Variants in CLMP observed in about 807,000 individuals in gnomAD.
The protein encoded by CLMP is CXADR like cell adhesion molecule.
In CLMP, 27 loss-of-function variants were observed where a neutral mutation model predicts 45.2. The observed-to-expected ratio is 0.60, with a 90% confidence interval of 0.44 to 0.82. CLMP has a LOEUF of 0.82. Ranked by LOEUF, CLMP falls within the 40% of genes least tolerant of loss-of-function variation. The pLI, the probability that CLMP is intolerant of heterozygous loss-of-function variation, is 0.00. For synonymous variants in CLMP, 167 were observed against 171.4 expected, an observed-to-expected ratio of 0.97 and a Z score of 0.20; for missense variants, 403 against 448.4, an observed-to-expected ratio of 0.90 and a Z score of 0.91.
intron 1 of CLMP, among the ~76,000 whole-genome samples, chr11:123,152,157 G>C (rs1861344536): frequency 6.6e-6 from 1 of 152,098 alleles, no homozygotes; most frequent in Admixed American, 6.6e-5. Context: ...TGAGATCGTT[G>C]ATGAAAAATC....
In CLMP at chr11:123,106,408, TGTGTGTGTGTGTGTGTGC is replaced by T. The variant is rs1374703432; in HGVS notation, c.29-8474_29-8457del. ...GTGTGTGTGTGTGTGTGTGTGTGTG[TGTGTGTGTGTGTGTGTGC>T]GCGCGCGCGCGCGCACGTGCCTGCC... On this transcript the variant is annotated intron_variant, in intron 1 of 6. Coordinates refer to ENST00000448775, the MANE Select transcript of CLMP (RefSeq NM_024769.5). Among the ~76,000 whole-genome samples, 228 of 124,168 alleles carry T rather than the reference TGTGTGTGTGTGTGTGTGC, an allele frequency of 1.8e-3. 1 individual carries two copies. The highest frequency in any genetic ancestry group is 5.7e-3 in the African/African-American group (192 of 33,766). The allele number at this position is 124,168 out of a possible 152,430, so 81.5% of individuals were successfully genotyped here.
chr11:123,144,619 C>T (rs112224332), intron 1 of CLMP, among the ~76,000 whole-genome samples: 303 of 152,304 alleles, frequency 2.0e-3, no homozygotes, highest in African/African-American at 6.9e-3. Flanking sequence ...ATCCTCCTAC[C>T]TTGGCCTCCC....
At chr11:123,134,245 G>A (rs1295322615) in intron 1 of CLMP, among the ~76,000 whole-genome samples, 1 of 150,458 alleles carries the variant, frequency 6.6e-6, no homozygotes, top group Non-Finnish European at 1.5e-5. Flanking sequence ...GGGCGACAGT[G>A]AGACTCTGTC....
chr11:123,160,535 T>C (rs1403442147), intron 1 of CLMP, among the ~76,000 whole-genome samples: 1 of 152,166 alleles, frequency 6.6e-6, no homozygotes. Context: ...GGAGCTGAAT[T>C]ATGCAGAATT....
At chr11:123,172,607 A>T (rs11602910) in intron 1 of CLMP, among the ~76,000 whole-genome samples, 1 of 151,864 alleles carries the variant, frequency 6.6e-6, no homozygotes, top group Non-Finnish European at 1.5e-5. Context: ...TCGGCCTCCC[A>T]TGTAGCTGGG....
intron 1 of CLMP, among the ~76,000 whole-genome samples, chr11:123,166,071 A>G (rs1240499840): frequency 6.6e-6 from 1 of 152,236 alleles, no homozygotes. Context: ...CTCATCCTAC[A>G]TCAAAATGCC....
At chr11:123,150,378 A>G (rs768274835) in intron 1 of CLMP, among the ~76,000 whole-genome samples, 7 of 147,948 alleles carry the variant, frequency 4.7e-5, no homozygotes, top group South Asian at 4.3e-4. Context: ...GGCAGGTTAA[A>G]TTAGAGCCAA....
chr11:123,074,985 C>G (rs1865720711), intron 5 of CLMP, 142 bp from the exon 6 acceptor site: 1 of 973,562 alleles, frequency 1.0e-6, no homozygotes, highest in African/African-American at 1.7e-5. Flanking sequence ...GACGGAGTTT[C>G]ACTCTTGTTG....
chr11:123,112,579 C>G (rs866171876), intron 1 of CLMP, among the ~76,000 whole-genome samples: 123 of 152,022 alleles, frequency 8.1e-4, no homozygotes, highest in African/African-American at 2.7e-3. Flanking sequence ...TCAGGTGAGC[C>G]CCCCCACCTC....
Position 123,087,911 on chromosome 11 carries a change from CT to C in CLMP, c.187-3199del, listed in dbSNP as rs961273617. On this transcript the variant is annotated intron_variant, in intron 2 of 6. Coordinates refer to ENST00000448775, the MANE Select transcript of CLMP (RefSeq NM_024769.5). ...CTGTAGGGTAGGTTTCGTTTTGTTT[CT>C]TTTTTTTTTTTCTTTGAGACGGAGT... Among the ~76,000 whole-genome samples, 548 of 143,902 alleles carry C rather than the reference CT, an allele frequency of 3.8e-3. 14 individuals carry two copies. The highest frequency in any genetic ancestry group is 0.013 in the South Asian group (56 of 4,332). The allele number at this position is 143,902 out of a possible 152,430, so 94.4% of individuals were successfully genotyped here. A position where few individuals can be genotyped will look rare whatever the true frequency, so the allele number is the denominator to read the frequency against.
chr11:123,189,361 T>C (rs1861875969), intron 1 of CLMP, among the ~76,000 whole-genome samples: 1 of 152,234 alleles, frequency 6.6e-6, no homozygotes, highest in Non-Finnish European at 1.5e-5. Context: ...CTCAGCTGTT[T>C]ACTCGCAGTG....
At chr11:123,167,378 T>C (rs192377036) in intron 1 of CLMP, among the ~76,000 whole-genome samples, 3,730 of 152,254 alleles carry the variant, frequency 0.024, 176 homozygotes, top group East Asian at 0.12. Context: ...CTCCACCTCC[T>C]GGGTTCACAC....
chr11:123,071,373 C>A lies in CLMP; in HGVS notation c.*2101G>T. 6.6e-6 allele frequency: 1 copy of A among 152,078 alleles called. No homozygotes were observed. Among genetic ancestry groups the A allele is most frequent in the Non-Finnish European group, 1.5e-5 (1 of 68,050 alleles). The allele number at this position is 152,078 out of a possible 1,614,324, so 9.4% of individuals were successfully genotyped here. A position where few individuals can be genotyped will look rare whatever the true frequency, so the allele number is the denominator to read the frequency against. On this transcript the variant is annotated 3_prime_UTR_variant, in exon 7 of 7. Coordinates refer to ENST00000448775, the MANE Select transcript of CLMP (RefSeq NM_024769.5). ...TCGCTTGAACTCGGGAGGTGGAGGT[C>A]GCAGTGAGCCGAGATACGCCACTGC...
chr11:123,093,767 C>A (rs1865959991), intron 2 of CLMP, among the ~76,000 whole-genome samples: 2 of 152,058 alleles, frequency 1.3e-5, no homozygotes, highest in African/African-American at 4.8e-5. Flanking sequence ...CTTTTGCAAA[C>A]AAATAAAAAA....
intron 1 of CLMP, among the ~76,000 whole-genome samples, chr11:123,167,134 T>C (rs2135537859): frequency 6.6e-6 from 1 of 152,328 alleles, no homozygotes; most frequent in East Asian, 1.9e-4. Flanking sequence ...GCGATTACTA[T>C]CAATAATCTT....
intron 1 of CLMP, among the ~76,000 whole-genome samples, chr11:123,161,735 G>A (rs1396060530): frequency 6.6e-6 from 1 of 152,142 alleles, no homozygotes; most frequent in Non-Finnish European, 1.5e-5. Flanking sequence ...GAATGGCTGG[G>A]CGTCACCCCT....
chr11:123,118,924 TTTTCTTTTCTTTCTTTC>T (rs1565387573), intron 1 of CLMP, among the ~76,000 whole-genome samples: 2 of 135,306 alleles, frequency 1.5e-5, no homozygotes, highest in Non-Finnish European at 3.1e-5. Context: ...TTGCATTTTC[TTTTCTTTTCTTTCTTTC>T]TTTCTTTCTT....
chr11:123,190,972 A>G (rs1185282945), intron 1 of CLMP, among the ~76,000 whole-genome samples: 1 of 152,210 alleles, frequency 6.6e-6, no homozygotes, highest in African/African-American at 2.4e-5. Flanking sequence ...TTTCTTCTTC[A>G]TCTTAAAAGA....
At chr11:123,083,005 T>C (rs1865823253) in intron 5 of CLMP, 80 bp downstream of exon 5, 10 of 1,536,436 alleles carry the variant, frequency 6.5e-6, no homozygotes, top group Non-Finnish European at 8.9e-6. Flanking sequence ...TACTCTTACT[T>C]ATGATTAGAA....
Sources: allele counts gnomAD v4.1 joint callset (sites outside exome capture counted in the v4.1 genomes callset), GRCh38; gene constraint gnomAD v4.1.1; transcripts MANE v1.5; gene names NCBI Gene and HGNC (gene_info 2026-07-23, HGNC 2026-07-21).